DPP6: variants seen among roughly 807,000 people sequenced by gnomAD.
The protein encoded by DPP6 is A-type potassium channel modulatory protein DPP6.
In DPP6, 69 loss-of-function variants were observed where a neutral mutation model predicts 122.6. The observed-to-expected ratio is 0.56, with a 90% CI of 0.46 to 0.69. The LOEUF is 0.69. DPP6 is among the 30% of genes least tolerant of loss of function. The pLI is 0.00. For synonymous variants in DPP6, 418 were observed against 433.1 expected, an observed-to-expected ratio of 0.97 and a Z score of 0.43; for missense variants, 928 against 1,116.9, an observed-to-expected ratio of 0.83 and a Z score of 2.41.
chr7:154,576,724 T>TG, intron 5 of DPP6, among the ~76,000 whole-genome samples: 1 of 152,070 alleles, frequency 6.6e-6, no homozygotes, highest in East Asian at 1.9e-4. Context: ...ACCAGGCTCT[T>TG]GGGGGAGGAG....
intron 5 of DPP6, among the ~76,000 whole-genome samples, chr7:154,591,496 G>C (rs1312614714): frequency 2.0e-5 from 3 of 152,190 alleles, no homozygotes; most frequent in Non-Finnish European, 4.4e-5. Flanking sequence ...TAATGATCAT[G>C]ATCCCAGGAG....
At chr7:154,554,798 C>G (rs901041536) in intron 4 of DPP6, among the ~76,000 whole-genome samples, 1 of 152,008 alleles carries the variant, frequency 6.6e-6, no homozygotes, top group African/African-American at 2.4e-5. Flanking sequence ...AGCTGTGTAC[C>G]AAAATCATAA....
intron 1 of DPP6, among the ~76,000 whole-genome samples, chr7:154,262,737 T>G (rs576680698): frequency 1.3e-5 from 2 of 152,198 alleles, no homozygotes; most frequent in South Asian, 4.1e-4. Flanking sequence ...TTGTTGGGGA[T>G]AAAAGTGATA....
At chr7:154,015,583 G>A (rs1406393080) in intron 1 of DPP6, among the ~76,000 whole-genome samples, 1 of 152,084 alleles carries the variant, frequency 6.6e-6, no homozygotes, top group Non-Finnish European at 1.5e-5. Context: ...CTCAGTAAAT[G>A]GCACCACCAC....
intron 3 of DPP6, among the ~76,000 whole-genome samples, chr7:154,502,374 C>T (rs1478771103): frequency 6.6e-6 from 1 of 152,098 alleles, no homozygotes; most frequent in Non-Finnish European, 1.5e-5. Flanking sequence ...TCTGTCCCCA[C>T]CCAAATCTCA....
intron 1 of DPP6, among the ~76,000 whole-genome samples, chr7:154,177,346 A>G (rs1206937351): frequency 4.6e-5 from 7 of 152,246 alleles, no homozygotes. Context: ...AAAAAGAAGT[A>G]TAAGTGATGA....
At chr7:154,287,710 T>C (rs10808008) in intron 1 of DPP6, among the ~76,000 whole-genome samples, 151,502 of 152,272 alleles carry the variant, frequency 0.99, 75,375 homozygotes, top group African/African-American at 1. Context: ...GACTCCCTGA[T>C]GGGCCAGCAG....
chr7:154,791,730 C>T (rs937052607), intron 10 of DPP6, among the ~76,000 whole-genome samples: 2 of 152,304 alleles, frequency 1.3e-5, no homozygotes, highest in African/African-American at 2.4e-5. Context: ...TGTGTGTCCA[C>T]GTTTTGTGGC....
In DPP6 at chr7:154,582,004, G is replaced by A. The variant is rs540748630; in HGVS notation, c.627+15088G>A. ...CCCTTGGCATAACTGGAGTAGACCCGGGTGCCTACCACAGCCTCCTTTTCC... is the reference window on the plus strand; with the variant it reads ...CCCTTGGCATAACTGGAGTAGACCCAGGTGCCTACCACAGCCTCCTTTTCC... On this transcript the variant is annotated intron_variant, in intron 5 of 25. Transcript: ENST00000377770. Among the ~76,000 whole-genome samples the A allele has an allele frequency of 3.9e-5, 6 of 152,198 alleles. No individual in the cohort carries two copies. The East Asian group carries it at 7.8e-4, about 20-fold the overall frequency.
intron 7 of DPP6, among the ~76,000 whole-genome samples, chr7:154,711,097 A>G (rs184624744): frequency 1.8e-3 from 281 of 152,370 alleles, no homozygotes; most frequent in Non-Finnish European, 2.3e-3. Flanking sequence ...CTATGTGGAT[A>G]TGTCCTTGAC....
At chr7:154,414,214 T>G (rs1328188228) in intron 1 of DPP6, among the ~76,000 whole-genome samples, 1 of 152,222 alleles carries the variant, frequency 6.6e-6, no homozygotes, top group African/African-American at 2.4e-5. Flanking sequence ...TGAATGTTAC[T>G]ACTCCGACCA....
At chr7:154,253,219 G>A in intron 1 of DPP6, among the ~76,000 whole-genome samples, 1 of 151,532 alleles carries the variant, frequency 6.6e-6, no homozygotes, top group African/African-American at 2.4e-5. Context: ...AAAGAAAAGA[G>A]GGCAACAAGT....
chr7:154,176,993 C>A (rs1353446461), intron 1 of DPP6, among the ~76,000 whole-genome samples: 1 of 152,090 alleles, frequency 6.6e-6, no homozygotes, highest in East Asian at 1.9e-4. Context: ...ACCACCACAC[C>A]TGGCTAACTT....
intron 1 of DPP6, among the ~76,000 whole-genome samples, chr7:154,345,086 A>G (rs1267518686): frequency 6.6e-6 from 1 of 152,196 alleles, no homozygotes; most frequent in Admixed American, 6.5e-5. Context: ...GGCTCAAACA[A>G]CAGACATTTA....
chr7:154,702,711 C>T (rs866481980), intron 7 of DPP6, among the ~76,000 whole-genome samples: 4 of 152,226 alleles, frequency 2.6e-5, no homozygotes, highest in Non-Finnish European at 4.4e-5. Flanking sequence ...GGAAAGAAGT[C>T]GTCTCCATAA....
intron 8 of DPP6, among the ~76,000 whole-genome samples, chr7:154,736,516 G>A (rs1274159522): frequency 6.6e-6 from 1 of 152,164 alleles, no homozygotes. Context: ...TTAGCTCTCA[G>A]GTCATACAAA....
At chr7:153,799,099 G>A in the DPP6 span, among the ~76,000 whole-genome samples, 1 of 152,178 alleles carries the variant, frequency 6.6e-6, no homozygotes, top group Non-Finnish European at 1.5e-5. Flanking sequence ...GACTGGTACT[G>A]GGGGTCAAGG....
In DPP6 at chr7:154,724,510, C is replaced by G. The variant is rs536686882; in HGVS notation, c.763-3257C>G. ...CTCATTTGAGGCCTGGCTCCCTTCT[C>G]TTCGCCACACCATCTGCCTCCATAC... On this transcript the variant is annotated intron_variant, in intron 7 of 25. Coordinates refer to ENST00000377770, the MANE Select transcript of DPP6 (RefSeq NM_130797.4). Among the ~76,000 whole-genome samples, 17 of 152,338 alleles carry G rather than the reference C, an allele frequency of 1.1e-4. No individual in the cohort carries two copies. In the South Asian group the frequency reaches 2.5e-3, roughly 22 times the overall value.
chr7:154,451,570 C>T (rs1164928820), intron 2 of DPP6, among the ~76,000 whole-genome samples: 5 of 152,102 alleles, frequency 3.3e-5, no homozygotes, highest in Non-Finnish European at 2.9e-5. Flanking sequence ...GCTGACCCTG[C>T]CAGCATCTAC....
Sources: allele counts gnomAD v4.1 joint callset (sites outside exome capture counted in the v4.1 genomes callset), GRCh38; gene constraint gnomAD v4.1.1; transcripts MANE v1.5; gene names NCBI Gene and HGNC (gene_info 2026-07-23, HGNC 2026-07-21).